PARD3B: variants seen among roughly 807,000 people sequenced by gnomAD.
The protein encoded by PARD3B is par-3 family cell polarity regulator beta, also known as partitioning defective 3 homolog B.
PARD3B carries 103 observed loss-of-function variants against 130.2 expected under a neutral mutation model. The observed-to-expected ratio is 0.79, with a 90% confidence interval of 0.67 to 0.93. The LOEUF (loss-of-function observed/expected upper bound fraction) is 0.93, where lower values mean the gene tolerates loss of function less well. Among genes scored for constraint, PARD3B ranks in the 40% least tolerant of loss-of-function variants. PARD3B has a pLI of 0.00. For missense variants in PARD3B, 1,609 were observed against 1,499.2 expected, an observed-to-expected ratio of 1.07 and a Z score of -1.21; for synonymous variants, 583 against 553.2, an observed-to-expected ratio of 1.05 and a Z score of -0.76.
chr2:204,946,600 G>A (rs76755625), intron 2 of PARD3B, among the ~76,000 whole-genome samples: 4,238 of 152,258 alleles, frequency 0.028, 90 homozygotes, highest in Middle Eastern at 0.051. Context: ...GTTGCCAGTT[G>A]CTTGACCTCT....
intron 15 of PARD3B, 67 bp from the exon 16 acceptor site, chr2:205,245,711 T>A: frequency 7.9e-7 from 1 of 1,261,730 alleles, no homozygotes; most frequent in South Asian, 1.3e-5. Context: ...TGCATTAATT[T>A]ACTGTTTAAA....
At chr2:204,632,954 C>T (rs1406884658) in intron 1 of PARD3B, among the ~76,000 whole-genome samples, 1 of 152,194 alleles carries the variant, frequency 6.6e-6, no homozygotes, top group South Asian at 2.1e-4. Flanking sequence ...TTGGCCTCCT[C>T]CCATATTTTC....
rs114260213 is a variant in PARD3B, at chr2:204,950,534, T to G, written c.223-14618T>G. On this transcript the variant is annotated intron_variant, in intron 2 of 22. Transcript: ENST00000406610. ...GGCCAGTGCTGAAAACACAGCTGAGTGCATGCAGGGAAAGGAGGCTGCATT... is the reference window on the plus strand; with the variant it reads ...GGCCAGTGCTGAAAACACAGCTGAGGGCATGCAGGGAAAGGAGGCTGCATT... Among the ~76,000 whole-genome samples, 1,125 of 152,056 alleles carry G rather than the reference T, an allele frequency of 7.4e-3. 22 individuals carry two copies. Among genetic ancestry groups the G allele is most frequent in the African/African-American group, 0.025 (1,054 of 41,462 alleles).
At chr2:205,207,448 C>T (rs2037381631) in intron 15 of PARD3B, among the ~76,000 whole-genome samples, 1 of 147,382 alleles carries the variant, frequency 6.8e-6, no homozygotes, top group African/African-American at 2.6e-5. Flanking sequence ...TTGAAAGGAT[C>T]AACAAAATTG....
At chr2:205,529,688 A>G (rs2051500570) in intron 21 of PARD3B, among the ~76,000 whole-genome samples, 2 of 152,210 alleles carry the variant, frequency 1.3e-5, no homozygotes, top group Non-Finnish European at 2.9e-5. Context: ...GCCATTAGGT[A>G]GAAATGAGTT....
At chr2:204,667,545 G>A (rs977472013) in intron 1 of PARD3B, among the ~76,000 whole-genome samples, 4 of 151,978 alleles carry the variant, frequency 2.6e-5, no homozygotes, top group Non-Finnish European at 5.9e-5. Context: ...TTCAATTAAG[G>A]CAAATACTGA....
intron 15 of PARD3B, among the ~76,000 whole-genome samples, chr2:205,225,905 C>T (rs1011676710): frequency 2.0e-5 from 3 of 152,160 alleles, no homozygotes; most frequent in African/African-American, 7.2e-5. Context: ...AGAGACAAAC[C>T]ATATCAGATG....
intron 15 of PARD3B, among the ~76,000 whole-genome samples, chr2:205,231,872 G>A (rs910829604): frequency 1.3e-5 from 2 of 152,146 alleles, no homozygotes; most frequent in Non-Finnish European, 2.9e-5. Context: ...ATTCATCAGA[G>A]CATGCATGTA....
In PARD3B at chr2:205,516,605, T is replaced by C. The variant is rs187536192; in HGVS notation, c.3180+16574T>C. Among the ~76,000 whole-genome samples, 263 of 152,312 alleles carry C rather than the reference T, an allele frequency of 1.7e-3. 1 individual carries two copies. Among genetic ancestry groups the C allele is most frequent in the African/African-American group, 5.7e-3 (235 of 41,568 alleles). ...GTTGGCATAAAGGAATGCTAGTGAT[T>C]TTTGTACCCTGATTTTGTATCCTGA... On this transcript the variant is annotated intron_variant, in intron 21 of 22. Transcript: ENST00000406610.
intron 1 of PARD3B, among the ~76,000 whole-genome samples, chr2:204,658,886 T>G (rs2035717433): frequency 6.6e-6 from 1 of 152,218 alleles, no homozygotes; most frequent in Non-Finnish European, 1.5e-5. Context: ...AATAGTCAAG[T>G]GTCCAATCAA....
In PARD3B at chr2:204,621,952, A is replaced by G. The variant is rs1400430706; in HGVS notation, c.121-64229A>G. ...AATCTCACTTAGTTCATCTCTTGCTACTTTATCAGGGAGAACTGGTTATTT... is the reference window on the plus strand; with the variant it reads ...AATCTCACTTAGTTCATCTCTTGCTGCTTTATCAGGGAGAACTGGTTATTT... On this transcript the variant is annotated intron_variant, in intron 1 of 22. Coordinates refer to ENST00000406610, the MANE Select transcript of PARD3B (RefSeq NM_001302769.2). Among the ~76,000 whole-genome samples, 5 of 152,266 alleles carry G rather than the reference A, an allele frequency of 3.3e-5. No homozygotes were observed. The South Asian group carries it at 8.3e-4, about 25-fold the overall frequency.
chr2:204,975,165 G>A (rs1448428065), intron 3 of PARD3B, among the ~76,000 whole-genome samples: 1 of 152,102 alleles, frequency 6.6e-6, no homozygotes, highest in Non-Finnish European at 1.5e-5. Flanking sequence ...AGTATGTGAT[G>A]TTTCCCATAG....
chr2:205,181,144 G>A (rs2035765076), intron 13 of PARD3B, among the ~76,000 whole-genome samples: 1 of 152,058 alleles, frequency 6.6e-6, no homozygotes, highest in African/African-American at 2.4e-5. Context: ...ACTGGGTTAG[G>A]CCTTTCATCT....
chr2:205,194,950 A>ATTTTTTTTTTTTTTTTTTTT (rs56836818), intron 15 of PARD3B, among the ~76,000 whole-genome samples: 1 of 111,224 alleles, frequency 9.0e-6, no homozygotes, highest in Non-Finnish European at 1.7e-5. Flanking sequence ...CGCCAGGCTA[A>ATTTTTTTTTTTTTTTTTTTT]TTTTTTTTTT....
chr2:204,701,007 G>A (rs759776129), intron 2 of PARD3B, among the ~76,000 whole-genome samples: 1 of 151,778 alleles, frequency 6.6e-6, no homozygotes, highest in Admixed American at 6.6e-5. Context: ...TAAAAGTTGG[G>A]CATATAAATT....
In PARD3B at chr2:205,172,275, C is replaced by T. The variant is rs1292491226; in HGVS notation, c.1685C>T (p.Ser562Phe). Residue 562 changes from serine to phenylalanine, a missense_variant, in exon 12 of 23, where the codon TCC becomes TTC. By Grantham distance (155) the Ser-to-Phe change is radical (BLOSUM62 -2). Coordinates refer to ENST00000406610, the MANE Select transcript of PARD3B (RefSeq NM_001302769.2). The stretch of plus-strand genomic sequence containing the variant: ...AATGGGGAATCTCTTTTGGGAAAGT[C>T]CAACCACGAAGCTATGGAAACACTT... ...AVNGESLLGK[S>F]NHEAMETLRR... 6.2e-7 allele frequency: 1 copy of T among 1,614,046 alleles called. No homozygotes were observed. Among genetic ancestry groups the T allele is most frequent in the East Asian group, 2.2e-5 (1 of 44,862 alleles).
chr2:204,867,849 G>C (rs2045486329), intron 2 of PARD3B, among the ~76,000 whole-genome samples: 1 of 152,108 alleles, frequency 6.6e-6, no homozygotes, highest in Non-Finnish European at 1.5e-5. Context: ...ATCTTTAACT[G>C]TTCTTTAACT....
chr2:205,536,574 A>G (rs944278082), intron 21 of PARD3B, among the ~76,000 whole-genome samples: 1 of 152,144 alleles, frequency 6.6e-6, no homozygotes, highest in Non-Finnish European at 1.5e-5. Flanking sequence ...TGTTAGTGTA[A>G]TTTATGCACT....
At chr2:204,654,347 A>G (rs1000248781) in intron 1 of PARD3B, among the ~76,000 whole-genome samples, 1 of 151,290 alleles carries the variant, frequency 6.6e-6, no homozygotes, top group Non-Finnish European at 1.5e-5. Context: ...AACCATAAAC[A>G]TGAGGATTTA....
Sources: allele counts gnomAD v4.1 joint callset (sites outside exome capture counted in the v4.1 genomes callset), GRCh38; gene constraint gnomAD v4.1.1; transcripts MANE v1.5; gene names NCBI Gene and HGNC (gene_info 2026-07-23, HGNC 2026-07-21).